The following DUSP16 variants were observed in gnomAD, a reference collection of about 807,000 sequenced individuals.
DUSP16 encodes the protein dual specificity phosphatase 16, also known as dual specificity protein phosphatase 16.
DUSP16 carries 21 observed loss-of-function variants against 58.3 expected under a neutral mutation model. That is an observed-to-expected ratio of 0.36 (90% CI 0.26 to 0.52). The LOEUF is 0.52. Ranked by LOEUF, DUSP16 falls within the 20% of genes least tolerant of loss-of-function variation. The pLI, the probability that DUSP16 is intolerant of heterozygous loss-of-function variation, is 0.94. For missense variants in DUSP16, 726 were observed against 819.0 expected (o/e 0.89, Z 1.39); for synonymous variants, 320 against 323.8 (o/e 0.99, Z 0.12).
intron 3 of DUSP16, among the ~76,000 whole-genome samples, chr12:12,518,512 C>G (rs1009226978): frequency 8.3e-6 from 1 of 120,412 alleles, no homozygotes; most frequent in Non-Finnish European, 1.8e-5. Flanking sequence ...AATTCTGTCT[C>G]AAAAAAAAAA....
At chr12:12,502,327 G>A (rs1268318204) in intron 3 of DUSP16, among the ~76,000 whole-genome samples, 1 of 152,196 alleles carries the variant, frequency 6.6e-6, no homozygotes, top group Non-Finnish European at 1.5e-5. Context: ...GTAGGCAGTT[G>A]ACAACTATGC....
chr12:12,509,363 A>C (rs1183303800), intron 3 of DUSP16, among the ~76,000 whole-genome samples: 2 of 146,586 alleles, frequency 1.4e-5, no homozygotes, highest in South Asian at 2.3e-4. Context: ...ATGGTCCCAA[A>C]ATTTTTTTAC....
intron 4 of DUSP16, among the ~76,000 whole-genome samples, chr12:12,488,756 G>A (rs1943720150): frequency 6.6e-6 from 1 of 151,950 alleles, no homozygotes; most frequent in Non-Finnish European, 1.5e-5. Flanking sequence ...ACTACATTTG[G>A]CACAATAAAT....
chr12:12,496,419 A>T (rs1387027844), intron 4 of DUSP16, among the ~76,000 whole-genome samples: 1 of 152,228 alleles, frequency 6.6e-6, no homozygotes, highest in African/African-American at 2.4e-5. Context: ...CAGGCAGAAC[A>T]ATAAGAAAGC....
At position 12,477,320 on chromosome 12, in the gene DUSP16, T is replaced by C. The variant is rs779478873; in HGVS notation, c.1511A>G (p.His504Arg). The change falls in exon 7 of 7, where the codon CAT becomes CGT. Residue 504 changes from histidine to arginine, a missense_variant. Physicochemically the swap from His to Arg is conservative, Grantham distance 29. Coordinates refer to ENST00000298573, the MANE Select transcript of DUSP16 (RefSeq NM_030640.3). This position sits in a 1 kb window ranked among gnomAD's most constrained non-coding sequence, Gnocchi z 4.1. ...TAQRSLLSPL[H>R]RSGSVEDNYH... ...ATTGTCCTCCACGCTCCCACTTCGA[T>C]GCAGTGGAGATAAAAGGGACCTCTG... is the stretch of plus-strand genomic sequence containing the variant. The C allele has an allele frequency of 1.9e-6, 3 of 1,614,122 alleles. No individual in the cohort carries two copies. Among genetic ancestry groups the C allele is most frequent in the African/African-American group, 2.7e-5 (2 of 74,936 alleles).
intron 1 of DUSP16, among the ~76,000 whole-genome samples, chr12:12,523,126 G>C (rs1230101532): frequency 6.6e-6 from 1 of 152,194 alleles, no homozygotes; most frequent in African/African-American, 2.4e-5. Flanking sequence ...ATGATATAAA[G>C]AGATGTAGCT....
At chr12:12,521,824 T>C (rs1177985252) in intron 1 of DUSP16, among the ~76,000 whole-genome samples, 1 of 152,222 alleles carries the variant, frequency 6.6e-6, no homozygotes, top group Non-Finnish European at 1.5e-5. Context: ...ATATTTTATT[T>C]GCTTATTTAT....
At chr12:12,492,231 T>G (rs1237950917) in intron 4 of DUSP16, among the ~76,000 whole-genome samples, 1 of 152,226 alleles carries the variant, frequency 6.6e-6, no homozygotes, top group Non-Finnish European at 1.5e-5. Flanking sequence ...CCATATGCCA[T>G]TCTGTTTCCC....
At position 12,483,407 on chromosome 12, in the gene DUSP16, T is replaced by C. The variant is rs1398568183; in HGVS notation, c.692-3061A>G. Among the ~76,000 whole-genome samples the C allele has an allele frequency of 3.9e-5, 6 of 152,204 alleles. No individual in the cohort carries two copies. The South Asian group carries it at 1.2e-3, about 32-fold the overall frequency. ...TTTTGGTTTACTTTTTTTCTTTTTT[T>C]TTCATTTTACATTATCTATTTTAAT... On this transcript the variant is annotated intron_variant, in intron 5 of 6. Coordinates refer to ENST00000298573, the MANE Select transcript of DUSP16 (RefSeq NM_030640.3).
At chr12:12,494,103 T>C (rs1003453538) in intron 4 of DUSP16, among the ~76,000 whole-genome samples, 3 of 152,228 alleles carry the variant, frequency 2.0e-5, no homozygotes, top group Non-Finnish European at 4.4e-5. Flanking sequence ...ATTAGCATCT[T>C]CTAATGAGAA....
chr12:12,475,692 C>T lies in DUSP16; in HGVS notation c.*1141G>A, dbSNP rs1210595192. Reference sequence around the variant, plus strand: ...AAAAGCCACTAAGGAAACAGGTTTCCTGCTTCTCCTCAGCAATTTGTACCT... The same window carrying T: ...AAAAGCCACTAAGGAAACAGGTTTCTTGCTTCTCCTCAGCAATTTGTACCT... On this transcript the variant is annotated 3_prime_UTR_variant, in exon 7 of 7. Coordinates refer to ENST00000298573, the MANE Select transcript of DUSP16 (RefSeq NM_030640.3). 6.6e-6 allele frequency: 1 copy of T among 152,212 alleles called. No homozygotes were observed. Among genetic ancestry groups the T allele is most frequent in the East Asian group, 1.9e-4 (1 of 5,192 alleles). The allele number at this position is 152,212 out of a possible 1,614,324, so 9.4% of individuals were successfully genotyped here.
intron 4 of DUSP16, among the ~76,000 whole-genome samples, chr12:12,488,753 T>G (rs938076419): frequency 1.8e-4 from 28 of 152,164 alleles, no homozygotes; most frequent in African/African-American, 6.5e-4. Flanking sequence ...TTTACTACAT[T>G]TGGCACAATA....
At position 12,521,131 on chromosome 12, in the gene DUSP16, C is replaced by T. The variant is rs1944230534; in HGVS notation, c.-33G>A. 7.5e-6 allele frequency: 12 copies of T among 1,604,216 alleles called. No individual in the cohort carries two copies. Among genetic ancestry groups the T allele is most frequent in the Non-Finnish European group, 1.0e-5 (12 of 1,174,968 alleles). ...ATAAGTCCTCTTTTCCCACCTCCTT[C>T]TTTAATTTGCCACGATGATGTAATG... On this transcript the variant is annotated 5_prime_UTR_variant, in exon 2 of 7. Coordinates refer to ENST00000298573, the MANE Select transcript of DUSP16 (RefSeq NM_030640.3).
intron 3 of DUSP16, among the ~76,000 whole-genome samples, chr12:12,506,606 T>C (rs1409319008): frequency 6.6e-6 from 1 of 152,248 alleles, no homozygotes; most frequent in Non-Finnish European, 1.5e-5. Flanking sequence ...GTAACCCACA[T>C]GTGTTTCCCT....
Position 12,477,036 on chromosome 12 carries a change from T to C in DUSP16, c.1795A>G (p.Arg599Gly), listed in dbSNP as rs1161673426. The change falls in exon 7 of 7, where the codon AGG becomes GGG. Residue 599 changes from arginine to glycine, a missense_variant. Arg to Gly is a moderately radical substitution (Grantham distance 125). Transcript: ENST00000298573. The surrounding 1 kb of genome is among the most constrained non-coding windows in gnomAD (Gnocchi z 4.1). ...TCGDQVYSVR[R>G]RQKPSDRADS... ...GCTCTGTCACTTGGCTTCTGCCGCC[T>C]GCGCACAGAATAGACTTGGTCTCCG... is the stretch of plus-strand genomic sequence containing the variant. 3 of 1,614,262 alleles carry C rather than the reference T, an allele frequency of 1.9e-6. No homozygotes were observed. The highest frequency in any genetic ancestry group is 2.5e-6 in the Non-Finnish European group (3 of 1,180,048).
rs1265371340 is a variant in DUSP16, at chr12:12,476,447, T to C, written c.*386A>G. 5.9e-6 allele frequency: 1 copy of C among 170,624 alleles called. No homozygotes were observed. Among genetic ancestry groups the C allele is most frequent in the Non-Finnish European group, 1.2e-5 (1 of 80,286 alleles). 10.6% of individuals were successfully genotyped at this position (170,624 alleles called of 1,614,324 possible). ...TCAGTCTCAGCGCTAAGGTGTACTA[T>C]GGAAGGGTCCGGACAAAGACTAATA... On this transcript the variant is annotated 3_prime_UTR_variant, in exon 7 of 7. Coordinates refer to ENST00000298573, the MANE Select transcript of DUSP16 (RefSeq NM_030640.3).
chr12:12,521,679 A>G (rs1438250927), intron 1 of DUSP16, among the ~76,000 whole-genome samples: 2 of 152,366 alleles, frequency 1.3e-5, no homozygotes, highest in South Asian at 2.1e-4. Flanking sequence ...TCAAAATGTA[A>G]AAACTCAAAG....
At chr12:12,523,521 C>T (rs1944263334) in intron 1 of DUSP16, among the ~76,000 whole-genome samples, 1 of 152,214 alleles carries the variant, frequency 6.6e-6, no homozygotes, top group Non-Finnish European at 1.5e-5. Context: ...TTTTACAAAC[C>T]AGCTCCATTT....
In DUSP16 at chr12:12,562,657, G is replaced by A. The variant is rs1944925661; in HGVS notation, c.-906C>T. ...GTCATTGGTTTAAAAATAAAGAGAT[G>A]GCGTCACTTGAAACCAATCCCAGTG... On this transcript the variant is annotated 5_prime_UTR_variant, in exon 1 of 7. Coordinates refer to ENST00000298573, the MANE Select transcript of DUSP16 (RefSeq NM_030640.3). Among the ~76,000 whole-genome samples the A allele has an allele frequency of 6.6e-6, 1 of 152,046 alleles. No individual in the cohort carries two copies. Among genetic ancestry groups the A allele is most frequent in the African/African-American group, 2.4e-5 (1 of 41,546 alleles).
Sources: gnomAD v4.1 joint callset for allele counts (sites outside exome capture counted in the v4.1 genomes callset) on GRCh38, gnomAD v4.1.1 for gene constraint, Gnocchi (gnomAD v3.1) non-coding constraint, MANE v1.5 for transcripts, NCBI Gene and HGNC (gene_info 2026-07-23, HGNC 2026-07-21) for gene names.